Variants in DAB1 observed in about 807,000 individuals in gnomAD.
DAB1 encodes the protein disabled homolog 1.
A neutral mutation model predicts 64.6 loss-of-function variants in DAB1; 15 were observed. The ratio of observed to expected loss-of-function variants is 0.23; its 90% CI spans 0.16 to 0.36. The LOEUF is 0.36. DAB1 is among the 10% of genes least tolerant of loss of function. The probability of loss-of-function intolerance (pLI) is 1.00; values close to 1 mark genes in which losing one functional copy is unlikely to be tolerated. For synonymous variants in DAB1, 235 were observed against 251.9 expected (o/e 0.93, Z 0.64); for missense variants, 596 against 706.7 (o/e 0.84, Z 1.78).
intron 4 of DAB1, among the ~76,000 whole-genome samples, chr1:58,167,175 G>C (rs1309572296): frequency 6.6e-6 from 1 of 152,198 alleles, no homozygotes; most frequent in East Asian, 1.9e-4. Context: ...GGTGAAGCCA[G>C]CTGGGCTTCT....
At chr1:57,421,917 C>CGGG (rs200226853) in intron 1 of DAB1, among the ~76,000 whole-genome samples, 1 of 6,820 alleles carries the variant, frequency 1.5e-4, no homozygotes, top group Admixed American at 1.6e-3. Context: ...GGGGGGGTGG[C>CGGG]GGGGGGGGGT....
chr1:58,073,754 TTTG>T (rs1649421212), intron 5 of DAB1, among the ~76,000 whole-genome samples: 1 of 152,304 alleles, frequency 6.6e-6, no homozygotes, highest in South Asian at 2.1e-4. Flanking sequence ...GTCTCTGTGA[TTTG>T]TTAAGCCTTC....
chr1:57,101,662 C>T (rs1370152042), intron 4 of DAB1, among the ~76,000 whole-genome samples: 1 of 152,360 alleles, frequency 6.6e-6, no homozygotes, highest in East Asian at 1.9e-4. Context: ...TCCATCCACT[C>T]ATCCTTCCAC....
chr1:57,456,238 GT>G (rs1277460428), intron 7 of DAB1, among the ~76,000 whole-genome samples: 2 of 152,208 alleles, frequency 1.3e-5, no homozygotes, highest in South Asian at 2.1e-4. Flanking sequence ...TAAACATTCA[GT>G]TTTTTCAACA....
chr1:57,291,473 T>C (rs759666042), intron 1 of DAB1, among the ~76,000 whole-genome samples: 1 of 152,132 alleles, frequency 6.6e-6, no homozygotes, highest in Non-Finnish European at 1.5e-5. Context: ...CCAACCAGAA[T>C]ATATAGCAAA....
chr1:57,247,834 G>A (rs553123418), intron 2 of DAB1, among the ~76,000 whole-genome samples: 2 of 152,176 alleles, frequency 1.3e-5, no homozygotes, highest in Non-Finnish European at 2.9e-5. Context: ...TGGCTGGAAT[G>A]CAGACCAGCC....
chr1:57,409,905 G>A (rs1191211146), intron 1 of DAB1, among the ~76,000 whole-genome samples: 1 of 152,182 alleles, frequency 6.6e-6, no homozygotes, highest in Non-Finnish European at 1.5e-5. Context: ...TGTGGGATTT[G>A]ACAAGGAATT....
At chr1:58,481,869 A>G (rs368363663) in intron 3 of DAB1, among the ~76,000 whole-genome samples, 75 of 152,290 alleles carry the variant, frequency 4.9e-4, no homozygotes, top group African/African-American at 1.8e-3. Flanking sequence ...GCCTTCCACC[A>G]TGATTGTGAG....
chr1:57,624,330 T>C (rs2101620110), intron 7 of DAB1, among the ~76,000 whole-genome samples: 1 of 152,284 alleles, frequency 6.6e-6, no homozygotes. Context: ...CTCTGCCACT[T>C]ACCAGCTATA....
chr1:57,389,551 G>A (rs1274530178), intron 1 of DAB1, among the ~76,000 whole-genome samples: 1 of 152,166 alleles, frequency 6.6e-6, no homozygotes, highest in African/African-American at 2.4e-5. Flanking sequence ...CATATATGAT[G>A]AACTCCTATT....
intron 6 of DAB1, among the ~76,000 whole-genome samples, chr1:57,720,699 T>C (rs1283378764): frequency 1.3e-5 from 2 of 152,262 alleles, no homozygotes; most frequent in Non-Finnish European, 2.9e-5. Flanking sequence ...ACATGGTACA[T>C]AAATAGGAGG....
chr1:57,635,638 T>C (rs1158339796), intron 7 of DAB1, among the ~76,000 whole-genome samples: 1 of 152,194 alleles, frequency 6.6e-6, no homozygotes, highest in Non-Finnish European at 1.5e-5. Context: ...TATTTCATTA[T>C]ATATTACAAT....
chr1:57,645,528 C>T (rs542402986), intron 7 of DAB1, among the ~76,000 whole-genome samples: 6 of 152,250 alleles, frequency 3.9e-5, no homozygotes, highest in Non-Finnish European at 7.4e-5. Flanking sequence ...ACATATCTGC[C>T]TTTTGCATTT....
At chr1:57,722,985 T>C (rs2101761442) in intron 6 of DAB1, among the ~76,000 whole-genome samples, 1 of 152,290 alleles carries the variant, frequency 6.6e-6, no homozygotes, top group Admixed American at 6.5e-5. Context: ...TGTGAGTATG[T>C]TGCTCCCATC....
chr1:58,140,049 T>G (rs1217563191), intron 5 of DAB1, among the ~76,000 whole-genome samples: 1 of 152,208 alleles, frequency 6.6e-6, no homozygotes, highest in African/African-American at 2.4e-5. Context: ...TCTGGAAGAT[T>G]AACCATCCTC....
rs184770051 is a variant in DAB1 at position 58,113,807 on chromosome 1, T to C, written n.387+36704A>G. 6.2e-3 allele frequency among the ~76,000 whole-genome samples: 939 copies of C among 152,302 alleles called. 7 individuals are homozygous for C. The highest frequency in any genetic ancestry group is 0.021 in the African/African-American group (888 of 41,570). ...GGAAGGCTGTTTTCAGTAGGAGTTT[T>C]GTGTACAGCTCTGGAGCTCACAAAG... On this transcript the variant is annotated intron_variant and non_coding_transcript_variant, in intron 5 of 20. Transcript: ENST00000485760.
intron 4 of DAB1, among the ~76,000 whole-genome samples, chr1:58,193,701 C>G (rs1657514166): frequency 6.6e-6 from 1 of 151,906 alleles, no homozygotes; most frequent in South Asian, 2.1e-4. Context: ...ACTAATAATA[C>G]AAAAATTAGC....
intron 2 of DAB1, among the ~76,000 whole-genome samples, chr1:57,175,635 G>C (rs540595264): frequency 6.6e-6 from 1 of 152,276 alleles, no homozygotes; most frequent in East Asian, 1.9e-4. Flanking sequence ...TGGCGTATCT[G>C]CTCTGAAATA....
chr1:57,206,817 C>T (rs573564343), intron 2 of DAB1, among the ~76,000 whole-genome samples: 4 of 152,094 alleles, frequency 2.6e-5, no homozygotes, highest in Admixed American at 6.6e-5. Context: ...TGGAATTAAA[C>T]CCTGATTTAG....
Sources: allele counts gnomAD v4.1 joint callset (sites outside exome capture counted in the v4.1 genomes callset), GRCh38; gene constraint gnomAD v4.1.1; transcripts MANE v1.5; gene names NCBI Gene and HGNC (gene_info 2026-07-23, HGNC 2026-07-21).